ASCC3: variants seen among roughly 807,000 people sequenced by gnomAD.
ASCC3 encodes ASC-1 complex subunit P200.
Under a neutral mutation model 256.3 loss-of-function variants are expected in ASCC3, and 158 were observed. That is an observed-to-expected ratio of 0.62 (90% CI 0.54 to 0.70). ASCC3 has a LOEUF of 0.70. Among genes scored for constraint, ASCC3 ranks in the 30% least tolerant of loss-of-function variants. ASCC3 has a pLI of 0.00. For synonymous variants in ASCC3, 948 were observed against 883.4 expected (o/e 1.07, Z -1.30); for missense variants, 2,259 against 2,626.0 (o/e 0.86, Z 3.05).
intron 13 of ASCC3, among the ~76,000 whole-genome samples, chr6:100,687,011 ATCTCTCTC>A (rs374661172): frequency 1.4e-5 from 2 of 141,520 alleles, no homozygotes; most frequent in African/African-American, 2.7e-5. Context: ...CTGTACTTAA[ATCTCTCTC>A]TCTCTCTCTC....
At chr6:100,692,118 T>C (rs2114985835) in intron 13 of ASCC3, among the ~76,000 whole-genome samples, 1 of 152,210 alleles carries the variant, frequency 6.6e-6, no homozygotes, top group Admixed American at 6.5e-5. Context: ...AATACTGATC[T>C]ACTTGTGGCA....
intron 10 of ASCC3, among the ~76,000 whole-genome samples, chr6:100,744,551 T>G (rs1270151244): frequency 6.6e-6 from 1 of 152,226 alleles, no homozygotes; most frequent in African/African-American, 2.4e-5. Context: ...TATTTCCAGT[T>G]ACTAATTTGA....
intron 29 of ASCC3, among the ~76,000 whole-genome samples, chr6:100,626,049 C>T (rs1372578874): frequency 6.6e-6 from 1 of 151,846 alleles, no homozygotes; most frequent in Non-Finnish European, 1.5e-5. Context: ...CAACACAAAC[C>T]AGAGTAACAA....
chr6:100,560,760 C>T lies in ASCC3; in HGVS notation c.5551-20373G>A, dbSNP rs1473948042. Among the ~76,000 whole-genome samples, 4 of 146,486 alleles carry T rather than the reference C, an allele frequency of 2.7e-5. No homozygotes were observed. The South Asian group carries it at 8.5e-4, about 31-fold the overall frequency. Reference sequence around the variant, plus strand: ...AACATCTTAGAGGAACACACACACACACACACACACACACACACACACACA... The same window carrying T: ...AACATCTTAGAGGAACACACACACATACACACACACACACACACACACACA... On this transcript the variant is annotated intron_variant, in intron 36 of 41. Coordinates refer to ENST00000369162, the MANE Select transcript of ASCC3 (RefSeq NM_006828.4).
At chr6:100,679,390 G>A (rs1047834569) in intron 14 of ASCC3, among the ~76,000 whole-genome samples, 18 of 152,026 alleles carry the variant, frequency 1.2e-4, no homozygotes, top group African/African-American at 4.3e-4. Context: ...TAAAGAGCAG[G>A]ACTAGGCACT....
chr6:100,660,063 T>G (rs1776116865), intron 16 of ASCC3, among the ~76,000 whole-genome samples: 1 of 151,542 alleles, frequency 6.6e-6, no homozygotes, highest in African/African-American at 2.4e-5. Context: ...AGAAAAATTA[T>G]GGCTACCATT....
chr6:100,639,885 C>A (rs988933606), intron 24 of ASCC3, among the ~76,000 whole-genome samples: 1 of 152,050 alleles, frequency 6.6e-6, no homozygotes, highest in Non-Finnish European at 1.5e-5. Context: ...GAGGCCGAAG[C>A]GGATGGATCA....
At chr6:100,815,078 T>C (rs1770674954) in intron 4 of ASCC3, among the ~76,000 whole-genome samples, 1 of 152,012 alleles carries the variant, frequency 6.6e-6, no homozygotes, top group African/African-American at 2.4e-5. Context: ...AGTCTCAGGA[T>C]ACAAAATAAA....
chr6:100,843,164 C>G (rs1051297686), intron 4 of ASCC3, among the ~76,000 whole-genome samples: 2 of 152,090 alleles, frequency 1.3e-5, no homozygotes, highest in African/African-American at 4.8e-5. Context: ...AAACGAGAAT[C>G]ACTGTATTAA....
At chr6:100,568,258 C>T (rs1235847351) in intron 36 of ASCC3, among the ~76,000 whole-genome samples, 1 of 151,602 alleles carries the variant, frequency 6.6e-6, no homozygotes, top group Admixed American at 6.6e-5. Context: ...ATCCCAGCTA[C>T]TAGGGAGGCT....
At chr6:100,610,746 A>G (rs1412755318) in intron 30 of ASCC3, among the ~76,000 whole-genome samples, 3 of 152,166 alleles carry the variant, frequency 2.0e-5, no homozygotes, top group African/African-American at 7.2e-5. Flanking sequence ...TTACCTTAAA[A>G]TTAGCACAGG....
intron 13 of ASCC3, among the ~76,000 whole-genome samples, chr6:100,713,103 T>C (rs1172183628): frequency 6.6e-6 from 1 of 152,074 alleles, no homozygotes; most frequent in Admixed American, 6.6e-5. Flanking sequence ...ATAACTTACG[T>C]CCGGACAAAA....
intron 36 of ASCC3, among the ~76,000 whole-genome samples, chr6:100,585,992 T>C (rs979342055): frequency 1.1e-4 from 17 of 152,268 alleles, no homozygotes; most frequent in African/African-American, 3.6e-4. Context: ...CTGCTCCTAC[T>C]GGGGGGTGCC....
At position 100,579,411 on chromosome 6, in the gene ASCC3, T is replaced by C. The variant is rs377707126; in HGVS notation, c.5550+10223A>G. On this transcript the variant is annotated intron_variant, in intron 36 of 41. Coordinates refer to ENST00000369162, the MANE Select transcript of ASCC3 (RefSeq NM_006828.4). ...CTTTCGGCATCTTTTTCATGAAATA[T>C]TTGCCAGGGCCTACGTCCAGAATGG... Among the ~76,000 whole-genome samples, 25 of 152,206 alleles carry C rather than the reference T, an allele frequency of 1.6e-4. No homozygotes were observed. The South Asian group carries it at 4.1e-3, about 25-fold the overall frequency.
intron 4 of ASCC3, among the ~76,000 whole-genome samples, chr6:100,816,000 T>G (rs1301314229): frequency 6.6e-6 from 1 of 152,060 alleles, no homozygotes; most frequent in Non-Finnish European, 1.5e-5. Flanking sequence ...AGAAAATATT[T>G]GCAAACTATG....
chr6:100,879,343 T>A (rs1019169650), intron 1 of ASCC3, among the ~76,000 whole-genome samples: 1 of 152,158 alleles, frequency 6.6e-6, no homozygotes, highest in Non-Finnish European at 1.5e-5. Context: ...GGTGATCAAC[T>A]TAATCTTCAG....
intron 36 of ASCC3, among the ~76,000 whole-genome samples, chr6:100,554,680 A>C (rs1769479226): frequency 6.6e-6 from 1 of 152,140 alleles, no homozygotes; most frequent in South Asian, 2.1e-4. Context: ...TTTAGAAAAA[A>C]CATTTCAGTA....
intron 10 of ASCC3, among the ~76,000 whole-genome samples, chr6:100,731,728 G>T (rs894958701): frequency 6.6e-6 from 1 of 152,136 alleles, no homozygotes; most frequent in African/African-American, 2.4e-5. Context: ...GGACTGGTTT[G>T]TGTGCCCTTT....
intron 36 of ASCC3, among the ~76,000 whole-genome samples, chr6:100,586,430 G>T (rs185295805): frequency 3.3e-5 from 5 of 152,180 alleles, no homozygotes; most frequent in African/African-American, 1.2e-4. Context: ...TTTTAAGCTC[G>T]TTGGAAAAGT....
Sources: allele counts gnomAD v4.1 joint callset (sites outside exome capture counted in the v4.1 genomes callset), GRCh38; gene constraint gnomAD v4.1.1; transcripts MANE v1.5; gene names NCBI Gene and HGNC (gene_info 2026-07-23, HGNC 2026-07-21).